Variants in XPR1 observed in about 807,000 individuals in gnomAD.
The protein encoded by XPR1 is solute carrier family 53 member 1.
Under a neutral mutation model 87.5 loss-of-function variants are expected in XPR1, and 28 were observed. The observed-to-expected ratio is 0.32, with a 90% CI of 0.24 to 0.44. The LOEUF is 0.44. Among genes scored for constraint, XPR1 ranks in the 20% least tolerant of loss-of-function variants. XPR1 has a pLI of 1.00. For missense variants in XPR1, 559 were observed against 862.3 expected, an observed-to-expected ratio of 0.65 and a Z score of 4.41; for synonymous variants, 300 against 306.1, an observed-to-expected ratio of 0.98 and a Z score of 0.21.
intron 14 of XPR1, 41 bp from the exon 15 acceptor site, chr1:180,883,965 G>T (rs766224027): frequency 6.3e-7 from 1 of 1,576,636 alleles, no homozygotes; most frequent in Non-Finnish European, 8.7e-7. Context: ...TTATATTTGG[G>T]TAATGGACTA....
chr1:180,664,485 T>TA (rs1235688190), intron 1 of XPR1, among the ~76,000 whole-genome samples: 4 of 152,302 alleles, frequency 2.6e-5, no homozygotes, highest in African/African-American at 9.6e-5. Flanking sequence ...CCAGTGTCCT[T>TA]TCCTACTGTA....
chr1:180,709,109 A>G (rs1194887703), intron 2 of XPR1, among the ~76,000 whole-genome samples: 1 of 151,980 alleles, frequency 6.6e-6, no homozygotes, highest in Non-Finnish European at 1.5e-5. Flanking sequence ...ATGGGGTTTC[A>G]CCATGTTGGC....
intron 9 of XPR1, among the ~76,000 whole-genome samples, chr1:180,829,488 A>G (rs12058106): frequency 0.043 from 6,549 of 152,226 alleles, 506 homozygotes; most frequent in African/African-American, 0.15. Context: ...AATGTCAGTG[A>G]GTTGAGTATG....
chr1:180,739,299 C>T (rs1557983119), intron 2 of XPR1, among the ~76,000 whole-genome samples: 3 of 152,138 alleles, frequency 2.0e-5, no homozygotes, highest in African/African-American at 7.2e-5. Flanking sequence ...TTAAAATTGT[C>T]TAGGGTGATT....
chr1:180,708,489 C>A (rs1228295252), intron 2 of XPR1, among the ~76,000 whole-genome samples: 1 of 151,904 alleles, frequency 6.6e-6, no homozygotes, highest in Non-Finnish European at 1.5e-5. Context: ...TATTTTACCA[C>A]AATAAATAAA....
At chr1:180,752,263 A>C (rs1647561784) in intron 2 of XPR1, among the ~76,000 whole-genome samples, 1 of 152,220 alleles carries the variant, frequency 6.6e-6, no homozygotes. Context: ...TTGTTAACTT[A>C]GAAAACTACA....
rs553424028 is a variant in XPR1, at chr1:180,855,031, A to G, written c.1502-8677A>G. ...CCTCAATTCAGTTTGGCAAATATTA[A>G]TTAAGCCCCTACTATGTCCAGCATG... On this transcript the variant is annotated intron_variant, in intron 11 of 14. Transcript: ENST00000367590. 4.6e-5 allele frequency among the ~76,000 whole-genome samples: 7 copies of G among 152,384 alleles called. No individual in the cohort carries two copies. The South Asian group carries it at 1.4e-3, about 32-fold the overall frequency.
rs1648773325 is a variant in XPR1, at chr1:180,777,630, T to C, written c.122-10123T>C. Among the ~76,000 whole-genome samples, 3 of 152,240 alleles carry C rather than the reference T, an allele frequency of 2.0e-5. No individual in the cohort carries two copies. The South Asian group carries it at 6.2e-4, about 31-fold the overall frequency. On this transcript the variant is annotated intron_variant, in intron 2 of 14. Coordinates refer to ENST00000367590, the MANE Select transcript of XPR1 (RefSeq NM_004736.4). ...TAACATTTTTTATCTTTGAAATCTT[T>C]GCCATATGCTTTATATAATTCATCT...
intron 2 of XPR1, among the ~76,000 whole-genome samples, chr1:180,750,822 T>C (rs1028478495): frequency 6.6e-6 from 1 of 152,096 alleles, no homozygotes; most frequent in South Asian, 2.1e-4. Context: ...CTATAGATTA[T>C]TTTGTAGAAA....
chr1:180,641,609 T>C (rs533338094), intron 1 of XPR1, among the ~76,000 whole-genome samples: 1 of 152,330 alleles, frequency 6.6e-6, no homozygotes, highest in East Asian at 1.9e-4. Flanking sequence ...TTGCATGTGT[T>C]ATTAAGTATG....
intron 11 of XPR1, among the ~76,000 whole-genome samples, chr1:180,858,134 T>G (rs2102200097): frequency 6.6e-6 from 1 of 152,336 alleles, no homozygotes; most frequent in South Asian, 2.1e-4. Context: ...GAGAATCGCT[T>G]GAACCAGGAG....
intron 9 of XPR1, among the ~76,000 whole-genome samples, chr1:180,834,117 C>G (rs1168064722): frequency 2.0e-5 from 3 of 151,052 alleles, no homozygotes; most frequent in African/African-American, 2.4e-5. Flanking sequence ...GAGCCTTGCT[C>G]TGTCCCCAGG....
chr1:180,851,047 T>C (rs946281639), intron 11 of XPR1, among the ~76,000 whole-genome samples: 8 of 152,032 alleles, frequency 5.3e-5, no homozygotes, highest in Non-Finnish European at 1.0e-4. Flanking sequence ...GTTAAATAAA[T>C]GAAATTGTGT....
chr1:180,745,635 C>T (rs536535015), intron 2 of XPR1, among the ~76,000 whole-genome samples: 28 of 152,232 alleles, frequency 1.8e-4, no homozygotes, highest in African/African-American at 6.7e-4. Context: ...AATCCCTTTC[C>T]TTCTCCTCAA....
chr1:180,725,862 G>A (rs1187839429), intron 2 of XPR1, among the ~76,000 whole-genome samples: 1 of 152,200 alleles, frequency 6.6e-6, no homozygotes, highest in Non-Finnish European at 1.5e-5. Flanking sequence ...CCTTAAGCAA[G>A]TTTTGTACTC....
At position 180,640,486 on chromosome 1, in the gene XPR1, G is replaced by A. The variant is rs985775196; in HGVS notation, c.69+8216G>A. Among the ~76,000 whole-genome samples the A allele has an allele frequency of 1.1e-4, 16 of 152,218 alleles. No homozygotes were observed. The South Asian group carries it at 1.7e-3, about 16-fold the overall frequency. On this transcript the variant is annotated intron_variant, in intron 1 of 14. Transcript: ENST00000367590. Reference sequence around the variant, plus strand: ...AGCCCATGCTCTTAATTTCTATGGCGTACTGTTTTATGAAAAATGAATAAA... The same window carrying A: ...AGCCCATGCTCTTAATTTCTATGGCATACTGTTTTATGAAAAATGAATAAA...
intron 2 of XPR1, among the ~76,000 whole-genome samples, chr1:180,767,061 C>T (rs1413827197): frequency 2.0e-5 from 3 of 152,188 alleles, no homozygotes; most frequent in Non-Finnish European, 4.4e-5. Flanking sequence ...TTTTCTCGCT[C>T]TCTCCATTCC....
At chr1:180,734,206 A>G (rs1213347038) in intron 2 of XPR1, among the ~76,000 whole-genome samples, 8 of 152,210 alleles carry the variant, frequency 5.3e-5, no homozygotes. Context: ...GGTTCAGTTT[A>G]GGGCCTGCTG....
chr1:180,650,844 T>C (rs975640921), intron 1 of XPR1, among the ~76,000 whole-genome samples: 2 of 152,200 alleles, frequency 1.3e-5, no homozygotes, highest in African/African-American at 4.8e-5. Flanking sequence ...GGAGATAATA[T>C]TTACTTTGTA....
Sources: allele counts gnomAD v4.1 joint callset (sites outside exome capture counted in the v4.1 genomes callset), GRCh38; gene constraint gnomAD v4.1.1; transcripts MANE v1.5; gene names NCBI Gene and HGNC (gene_info 2026-07-23, HGNC 2026-07-21).